Variants in PTK7 observed in about 807,000 individuals in gnomAD.
PTK7 encodes protein tyrosine kinase 7 (inactive).
Under a neutral mutation model 116.6 loss-of-function variants are expected in PTK7, and 39 were observed. The ratio of observed to expected loss-of-function variants is 0.33; its 90% CI spans 0.26 to 0.44. The LOEUF is 0.44. Ranked by LOEUF, PTK7 falls within the 20% of genes least tolerant of loss-of-function variation. The probability of loss-of-function intolerance (pLI) is 1.00; values close to 1 mark genes in which losing one functional copy is unlikely to be tolerated. For missense variants in PTK7, 1,169 were observed against 1,425.6 expected (o/e 0.82, Z 2.90); for synonymous variants, 546 against 563.6 (o/e 0.97, Z 0.44).
At chr6:43,126,323 C>CA (rs1222546420) in intron 1 of PTK7, among the ~76,000 whole-genome samples, 4 of 150,400 alleles carry the variant, frequency 2.7e-5, no homozygotes, top group East Asian at 1.9e-4. Flanking sequence ...GACTCCGTCT[C>CA]AAAAAAAAAG....
At chr6:43,157,374 T>A (rs1561990715) in intron 17 of PTK7, among the ~76,000 whole-genome samples, 40 of 72,874 alleles carry the variant, frequency 5.5e-4, no homozygotes, top group African/African-American at 7.5e-4. Flanking sequence ...ATTTTTTTTT[T>A]TCTTTTTTTT....
chr6:43,119,726 T>G (rs1768847582), intron 1 of PTK7, among the ~76,000 whole-genome samples: 1 of 152,194 alleles, frequency 6.6e-6, no homozygotes, highest in Admixed American at 6.5e-5. Context: ...CCCTGTTGCC[T>G]TCCCTGGGAT....
At chr6:43,131,486 C>A (rs564456063) in intron 5 of PTK7, among the ~76,000 whole-genome samples, 1 of 152,276 alleles carries the variant, frequency 6.6e-6, no homozygotes, top group South Asian at 2.1e-4. Context: ...CTGGGCAAGC[C>A]TCACAATCAT....
chr6:43,151,779 C>T (rs919866608), intron 17 of PTK7, among the ~76,000 whole-genome samples: 2 of 151,064 alleles, frequency 1.3e-5, no homozygotes, highest in South Asian at 2.1e-4. Context: ...CCTCGTGATC[C>T]GCCCGCCTCG....
At chr6:43,140,667 C>A (rs559026795) in intron 10 of PTK7, among the ~76,000 whole-genome samples, 2 of 152,050 alleles carry the variant, frequency 1.3e-5, no homozygotes, top group East Asian at 3.9e-4. Context: ...GTGGGAGGAT[C>A]GCTTGAGCCC....
At position 43,119,422 on chromosome 6, in the gene PTK7, G is replaced by A. The variant is rs150614071; in HGVS notation, c.80-9555G>A. Among the ~76,000 whole-genome samples, 4 of 152,290 alleles carry A rather than the reference G, an allele frequency of 2.6e-5. No homozygotes were observed. The East Asian group carries it at 5.8e-4, about 22-fold the overall frequency. On this transcript the variant is annotated intron_variant, in intron 1 of 19. Coordinates refer to ENST00000230419, the MANE Select transcript of PTK7 (RefSeq NM_002821.5). ...TCTAGTTCACCCCCTGCTTCTGCGG[G>A]AAGGACCATGGGAAGCTGGCTCCCA...
At chr6:43,133,114 A>AT in intron 7 of PTK7, 1 of 361,312 alleles carries the variant, frequency 2.8e-6, no homozygotes, top group Non-Finnish European at 4.9e-6. Flanking sequence ...GATGAAAATG[A>AT]TTTTTCTTTT....
At chr6:43,160,184 C>T (rs921273782) in intron 19 of PTK7, among the ~76,000 whole-genome samples, 7 of 152,164 alleles carry the variant, frequency 4.6e-5, no homozygotes, top group Non-Finnish European at 7.3e-5. Context: ...GGCCCGATCT[C>T]CGTTCACTGC....
At position 43,138,775 on chromosome 6, in the gene PTK7, A is replaced by T; in HGVS notation, c.1229-74A>T. The T allele has an allele frequency of 3.3e-6, 5 of 1,518,618 alleles. 1 individual carries two copies. The highest frequency in any genetic ancestry group is 4.4e-6 in the Non-Finnish European group (5 of 1,131,732). 94.1% of individuals were successfully genotyped at this position (1,518,618 alleles called of 1,614,324 possible). A position where few individuals can be genotyped will look rare whatever the true frequency, so the allele number is the denominator to read the frequency against. On this transcript the variant is annotated intron_variant, in intron 7 of 19. Transcript: ENST00000230419. ...ACTCAGGGCCTAGAATGGTAGTAGG[A>T]TTTCTTGGAGATGGATCCTTTAGTT...
At chr6:43,119,082 A>C (rs915184311) in intron 1 of PTK7, among the ~76,000 whole-genome samples, 1 of 152,028 alleles carries the variant, frequency 6.6e-6, no homozygotes, top group African/African-American at 2.4e-5. Context: ...CTTAGAAGCC[A>C]GAGAAGATTT....
chr6:43,142,341 C>T (rs377739091), intron 13 of PTK7, 42 bp downstream of exon 13: 3 of 1,613,292 alleles, frequency 1.9e-6, no homozygotes, highest in South Asian at 1.1e-5. Context: ...AAGTGGTGGG[C>T]CCAGACGTTT....
chr6:43,144,749 G>A, intron 15 of PTK7, 143 bp downstream of exon 15: 1 of 1,053,592 alleles, frequency 9.5e-7, no homozygotes, highest in East Asian at 2.6e-5. Flanking sequence ...ATCTAGCCCA[G>A]TGTGGCCCCA....
chr6:43,153,941 G>A (rs2150474816), intron 17 of PTK7, among the ~76,000 whole-genome samples: 1 of 152,040 alleles, frequency 6.6e-6, no homozygotes, highest in Middle Eastern at 3.4e-3. Context: ...CGAGGCAGGT[G>A]GATCACTTAA....
intron 1 of PTK7, among the ~76,000 whole-genome samples, chr6:43,112,416 G>T (rs2150404101): frequency 6.6e-6 from 1 of 152,002 alleles, no homozygotes; most frequent in South Asian, 2.1e-4. Flanking sequence ...CTACTTGGGA[G>T]TGTCTCTCTG....
At chr6:43,077,190 G>T (rs1766089678) in intron 1 of PTK7, among the ~76,000 whole-genome samples, 1 of 152,248 alleles carries the variant, frequency 6.6e-6, no homozygotes, top group South Asian at 2.1e-4. Context: ...CTAGCTACTG[G>T]TCTGGAACCC....
intron 7 of PTK7, among the ~76,000 whole-genome samples, chr6:43,134,222 A>T (rs1185968927): frequency 6.6e-6 from 1 of 152,092 alleles, no homozygotes; most frequent in Non-Finnish European, 1.5e-5. Context: ...TATTTTTAGT[A>T]GAGGCGATGT....
chr6:43,131,338 G>T (rs116359858), intron 5 of PTK7, among the ~76,000 whole-genome samples: 185 of 152,320 alleles, frequency 1.2e-3, no homozygotes, highest in African/African-American at 4.3e-3. Context: ...CTGTGGGAAG[G>T]TGGCTTCCCT....
chr6:43,160,618 A>AG, intron 19 of PTK7, 103 bp from the exon 20 acceptor site: 3 of 1,442,484 alleles, frequency 2.1e-6, no homozygotes, highest in Non-Finnish European at 2.9e-6. Flanking sequence ...ATTGCCCCAG[A>AG]GGCATCCTTG....
At chr6:43,136,376 A>G (rs1346507783) in intron 7 of PTK7, among the ~76,000 whole-genome samples, 2 of 151,842 alleles carry the variant, frequency 1.3e-5, no homozygotes, top group Non-Finnish European at 2.9e-5. Context: ...GAAACAACAA[A>G]CAACAGCCGT....
Sources: allele counts gnomAD v4.1 joint callset (sites outside exome capture counted in the v4.1 genomes callset), GRCh38; gene constraint gnomAD v4.1.1; transcripts MANE v1.5; gene names NCBI Gene and HGNC (gene_info 2026-07-23, HGNC 2026-07-21).